Variants in TIAM2 observed in about 807,000 individuals in gnomAD.
TIAM2 encodes the protein TIAM Rac1 associated GEF 2.
TIAM2 carries 80 observed loss-of-function variants against 152.9 expected under a neutral mutation model. That is an observed-to-expected ratio of 0.52 (90% CI 0.44 to 0.63). The LOEUF (loss-of-function observed/expected upper bound fraction) is 0.63. Ranked by LOEUF, TIAM2 falls within the 30% of genes least tolerant of loss-of-function variation. The pLI, the probability that TIAM2 is intolerant of heterozygous loss-of-function variation, is 0.00. For synonymous variants in TIAM2, 804 were observed against 838.0 expected, an observed-to-expected ratio of 0.96 and a Z score of 0.70; for missense variants, 1,965 against 2,120.1, an observed-to-expected ratio of 0.93 and a Z score of 1.44.
intron 1 of TIAM2, among the ~76,000 whole-genome samples, chr6:155,009,196 G>A (rs1778447094): frequency 6.7e-6 from 1 of 148,466 alleles, no homozygotes; most frequent in Non-Finnish European, 1.5e-5. Context: ...CCACCTCCAG[G>A]GTTCGGGCGA....
chr6:155,148,225 C>T lies in TIAM2; in HGVS notation c.1919C>T (p.Thr640Ile), dbSNP rs1425192748. The T allele has an allele frequency of 4.3e-6, 7 of 1,612,936 alleles. No individual in the cohort carries two copies. Among genetic ancestry groups the T allele is most frequent in the African/African-American group, 1.3e-5 (1 of 74,876 alleles). Reference sequence around the variant, plus strand: ...ACGCTGCGGCTGCTGAAGAACCAGACCAAAAACCTGCTTCAGAAGATAGAC... The same window carrying T: ...ACGCTGCGGCTGCTGAAGAACCAGATCAAAAACCTGCTTCAGAAGATAGAC... The part of the protein sequence containing the change: ...EDTLRLLKNQ[T>I]KNLLQKIDMD... The change falls in exon 7 of 27, where the codon ACC (threonine) becomes ATC (isoleucine). Residue 640 changes from threonine to isoleucine, a missense_variant. Thr to Ile is a moderately conservative substitution (Grantham distance 89). Coordinates refer to ENST00000682666, the MANE Select transcript of TIAM2 (RefSeq NM_012454.4).
At chr6:155,202,503 C>T (rs1781495732) in intron 14 of TIAM2, among the ~76,000 whole-genome samples, 1 of 152,112 alleles carries the variant, frequency 6.6e-6, no homozygotes, top group South Asian at 2.1e-4. Flanking sequence ...ACTGCAGCCT[C>T]TACCTCCTGG....
At chr6:155,247,683 C>T (rs890123445) in intron 19 of TIAM2, among the ~76,000 whole-genome samples, 1 of 152,188 alleles carries the variant, frequency 6.6e-6, no homozygotes, top group East Asian at 1.9e-4. Context: ...CCACCTATAA[C>T]AATATTTCTC....
chr6:155,179,293 T>C, intron 11 of TIAM2, 85 bp from the exon 12 acceptor site: 2 of 1,494,210 alleles, frequency 1.3e-6, no homozygotes, highest in South Asian at 2.3e-5. Context: ...ACAGCTTTCT[T>C]GTTTTATGAA....
chr6:155,031,321 T>C (rs1776816547), intron 1 of TIAM2, among the ~76,000 whole-genome samples: 1 of 152,236 alleles, frequency 6.6e-6, no homozygotes, highest in Non-Finnish European at 1.5e-5. Flanking sequence ...TCTAAATGAC[T>C]CAGACACTGT....
At chr6:155,015,869 G>A (rs1420813490) in intron 1 of TIAM2, among the ~76,000 whole-genome samples, 4 of 150,890 alleles carry the variant, frequency 2.7e-5, no homozygotes, top group Middle Eastern at 6.3e-3. Context: ...CCCAGGAGGC[G>A]GGGGTTGCAG....
intron 1 of TIAM2, among the ~76,000 whole-genome samples, chr6:155,028,568 G>A (rs961059717): frequency 3.7e-5 from 5 of 136,082 alleles, no homozygotes; most frequent in Non-Finnish European, 7.6e-5. Flanking sequence ...TATATATACT[G>A]TGTTACATAT....
At chr6:155,058,058 G>A (rs1256125103) in intron 1 of TIAM2, among the ~76,000 whole-genome samples, 1 of 151,974 alleles carries the variant, frequency 6.6e-6, no homozygotes, top group Admixed American at 6.6e-5. Context: ...GCTCTTTCAG[G>A]TGGCTCTTGA....
intron 6 of TIAM2, among the ~76,000 whole-genome samples, chr6:155,147,111 C>T (rs1779835318): frequency 6.6e-6 from 1 of 150,760 alleles, no homozygotes. Flanking sequence ...AAGGAAAAAC[C>T]TTGATATATT....
At chr6:155,242,823 CCTCCTGAGTTCAAGAGATT>C (rs1293516355) in intron 16 of TIAM2, among the ~76,000 whole-genome samples, 1 of 152,174 alleles carries the variant, frequency 6.6e-6, no homozygotes, top group Non-Finnish European at 1.5e-5. Context: ...GCAACCTCCA[CCTCCTGAGTTCAAGAGATT>C]CTCCTGCCTC....
At chr6:155,142,128 G>A (rs1352234715) in intron 5 of TIAM2, among the ~76,000 whole-genome samples, 1 of 152,132 alleles carries the variant, frequency 6.6e-6, no homozygotes, top group East Asian at 1.9e-4. Flanking sequence ...GCACCGGGGT[G>A]AATGGCAGAG....
chr6:155,230,494 T>C lies in TIAM2; in HGVS notation c.3169-10036T>C, dbSNP rs80261122. Among the ~76,000 whole-genome samples, 1,410 of 152,084 alleles carry C rather than the reference T, an allele frequency of 9.3e-3. 24 individuals are homozygous for C. The highest frequency in any genetic ancestry group is 0.032 in the African/African-American group (1,335 of 41,464). The stretch of plus-strand genomic sequence containing the variant: ...CCCCCACTTTCGGCACTGGTCACCT[T>C]TGAATGACTTGCTTAAAGCTTGTCT... On this transcript the variant is annotated intron_variant, in intron 15 of 26. Transcript: ENST00000682666.
chr6:155,144,698 G>A lies in TIAM2; in HGVS notation c.1723G>A (p.Val575Met), dbSNP rs771995235. 2 of 1,611,404 alleles carry A rather than the reference G, an allele frequency of 1.2e-6. No individual in the cohort carries two copies. Among genetic ancestry groups the A allele is most frequent in the South Asian group, 1.1e-5 (1 of 90,344 alleles). Reference protein sequence around the residue: ...RCALFAEDSIVQSVPEHPKKE... With the variant: ...RCALFAEDSIMQSVPEHPKKE... ...TGCTCTGTTTGCAGAAGACAGCATA[G>A]TGCAGTCTGTTCCAGAGCATCCCAA... Residue 575 changes from valine to methionine, a missense_variant, in exon 6 of 27, where the codon GTG (valine) becomes ATG (methionine). This residue lies in a region of TIAM2 where 1,025 missense variants were observed against 1,119.4 expected (regional missense o/e 0.92). Coordinates refer to ENST00000682666, the MANE Select transcript of TIAM2 (RefSeq NM_012454.4).
chr6:155,107,509 A>G (rs2115001624), intron 2 of TIAM2, among the ~76,000 whole-genome samples: 1 of 152,322 alleles, frequency 6.6e-6, no homozygotes, highest in East Asian at 1.9e-4. Flanking sequence ...TAAAGCATTG[A>G]TGACTATTAC....
At chr6:155,198,080 A>G (rs1364744905) in intron 14 of TIAM2, among the ~76,000 whole-genome samples, 2 of 152,156 alleles carry the variant, frequency 1.3e-5, no homozygotes, top group African/African-American at 4.8e-5. Flanking sequence ...CTCTTTTACA[A>G]TTGTAGTCTG....
At chr6:155,140,204 G>C (rs1779659832) in intron 5 of TIAM2, among the ~76,000 whole-genome samples, 1 of 152,124 alleles carries the variant, frequency 6.6e-6, no homozygotes, top group Admixed American at 6.5e-5. Context: ...CCCTCCTTGT[G>C]GGCACAATAT....
chr6:155,255,031 A>G (rs1401720103), intron 26 of TIAM2: 1 of 156,462 alleles, frequency 6.4e-6, no homozygotes, highest in Non-Finnish European at 1.4e-5. Flanking sequence ...TCGTACTTCG[A>G]GTACCCAGAC....
intron 6 of TIAM2, 80 bp downstream of exon 6, chr6:155,144,858 A>T: frequency 6.9e-7 from 1 of 1,452,276 alleles, no homozygotes; most frequent in Non-Finnish European, 9.2e-7. Flanking sequence ...CAAAACTTGG[A>T]AATGAAATTG....
chr6:155,199,714 A>C (rs998977634), intron 14 of TIAM2, among the ~76,000 whole-genome samples: 1 of 152,226 alleles, frequency 6.6e-6, no homozygotes, highest in Admixed American at 6.5e-5. Flanking sequence ...AATGGATCAA[A>C]CATTCCATTT....
Sources: gnomAD v4.1 joint callset for allele counts (sites outside exome capture counted in the v4.1 genomes callset) on GRCh38, gnomAD v4.1.1 for gene constraint, gnomAD v4.1.1 regional missense constraint, MANE v1.5 for transcripts, NCBI Gene and HGNC (gene_info 2026-07-23, HGNC 2026-07-21) for gene names.